The following CNTNAP2 variants were observed in gnomAD, a reference collection of about 807,000 sequenced individuals.
The protein encoded by CNTNAP2 is contactin-associated protein-like 2.
A neutral mutation model predicts 155.2 loss-of-function variants in CNTNAP2; 98 were observed. The observed-to-expected ratio is 0.63, with a 90% confidence interval of 0.54 to 0.75. The LOEUF (loss-of-function observed/expected upper bound fraction) is 0.75, where lower values mean the gene tolerates loss of function less well. Among genes scored for constraint, CNTNAP2 ranks in the 30% least tolerant of loss-of-function variants. The pLI, the probability that CNTNAP2 is intolerant of heterozygous loss-of-function variation, is 0.00. For missense variants in CNTNAP2, 1,727 were observed against 1,688.1 expected (o/e 1.02, Z -0.40); for synonymous variants, 651 against 631.2 (o/e 1.03, Z -0.47).
chr7:146,979,986 T>C (rs1407756231), intron 3 of CNTNAP2, among the ~76,000 whole-genome samples: 1 of 152,196 alleles, frequency 6.6e-6, no homozygotes, highest in Non-Finnish European at 1.5e-5. Context: ...TGCAATTACT[T>C]TTGCACCAAC....
intron 8 of CNTNAP2, among the ~76,000 whole-genome samples, chr7:147,294,983 C>T (rs1469926744): frequency 2.6e-5 from 4 of 152,076 alleles, no homozygotes; most frequent in Non-Finnish European, 5.9e-5. Flanking sequence ...TTAAATGTGT[C>T]TCAGCTTACT....
intron 15 of CNTNAP2, among the ~76,000 whole-genome samples, chr7:148,047,311 C>T (rs946709040): frequency 6.6e-6 from 1 of 151,544 alleles, no homozygotes; most frequent in African/African-American, 2.4e-5. Flanking sequence ...CCTATCAATA[C>T]ATAACGTTAT....
At chr7:146,934,185 C>T (rs1156669975) in intron 3 of CNTNAP2, among the ~76,000 whole-genome samples, 1 of 151,798 alleles carries the variant, frequency 6.6e-6, no homozygotes, top group South Asian at 2.1e-4. Flanking sequence ...AGACTTGGAA[C>T]CAACCCAAAT....
intron 21 of CNTNAP2, among the ~76,000 whole-genome samples, chr7:148,317,308 T>G (rs1797707878): frequency 6.6e-6 from 1 of 151,952 alleles, no homozygotes; most frequent in South Asian, 2.1e-4. Flanking sequence ...TGGGCTGAGA[T>G]CATGCCATTG....
intron 3 of CNTNAP2, among the ~76,000 whole-genome samples, chr7:146,936,918 A>C (rs1336397965): frequency 1.3e-5 from 2 of 152,198 alleles, no homozygotes; most frequent in Non-Finnish European, 2.9e-5. Context: ...TGATTCACGA[A>C]GGTTTCATTG....
At chr7:146,310,775 T>C (rs1800808152) in intron 1 of CNTNAP2, among the ~76,000 whole-genome samples, 1 of 152,174 alleles carries the variant, frequency 6.6e-6, no homozygotes, top group Non-Finnish European at 1.5e-5. Flanking sequence ...TTATCCATCC[T>C]ACTTTTCTTC....
At chr7:148,101,360 T>A (rs1471255402) in intron 15 of CNTNAP2, among the ~76,000 whole-genome samples, 3 of 111,094 alleles carry the variant, frequency 2.7e-5, no homozygotes, top group African/African-American at 8.5e-5. Flanking sequence ...AGTGTGTGTG[T>A]GTGTGTGTGT....
chr7:148,096,893 G>A (rs780695792), intron 15 of CNTNAP2, among the ~76,000 whole-genome samples: 8 of 152,140 alleles, frequency 5.3e-5, no homozygotes, highest in Non-Finnish European at 1.2e-4. Context: ...TAGCCAACCT[G>A]AGAGAAGAGG....
intron 16 of CNTNAP2, among the ~76,000 whole-genome samples, chr7:148,139,723 T>A (rs1805023317): frequency 6.6e-6 from 1 of 152,060 alleles, no homozygotes; most frequent in South Asian, 2.1e-4. Flanking sequence ...GTATTTCTAG[T>A]AGAGATGGGG....
chr7:147,679,159 A>G (rs532300426), intron 13 of CNTNAP2, among the ~76,000 whole-genome samples: 1 of 152,056 alleles, frequency 6.6e-6, no homozygotes, highest in Non-Finnish European at 1.5e-5. Context: ...TGAGTGTGAT[A>G]ACTTAAGATG....
intron 3 of CNTNAP2, among the ~76,000 whole-genome samples, chr7:146,992,120 A>G (rs1255125091): frequency 3.9e-5 from 6 of 152,200 alleles, no homozygotes; most frequent in Non-Finnish European, 5.9e-5. Context: ...GTGTAGCATA[A>G]ACAGTACATA....
chr7:146,239,942 A>G (rs1472104601), intron 1 of CNTNAP2, among the ~76,000 whole-genome samples: 1 of 152,184 alleles, frequency 6.6e-6, no homozygotes, highest in African/African-American at 2.4e-5. Flanking sequence ...AATATATTAT[A>G]AATTCTCATG....
At chr7:147,501,240 A>G (rs1357594272) in intron 11 of CNTNAP2, among the ~76,000 whole-genome samples, 1 of 151,738 alleles carries the variant, frequency 6.6e-6, no homozygotes, top group South Asian at 2.1e-4. Flanking sequence ...CCTCAATTCA[A>G]TAAAGGCTGT....
At chr7:147,206,895 G>T (rs1803034435) in intron 8 of CNTNAP2, among the ~76,000 whole-genome samples, 1 of 152,194 alleles carries the variant, frequency 6.6e-6, no homozygotes, top group African/African-American at 2.4e-5. Context: ...ACAATACAGA[G>T]AATCAGAAGC....
intron 1 of CNTNAP2, among the ~76,000 whole-genome samples, chr7:146,135,210 AG>A (rs1797779535): frequency 6.6e-6 from 1 of 152,132 alleles, no homozygotes; most frequent in Non-Finnish European, 1.5e-5. Flanking sequence ...CACACTTTAG[AG>A]GAAGAAAATT....
intron 9 of CNTNAP2, among the ~76,000 whole-genome samples, chr7:147,333,665 C>A (rs1300890258): frequency 6.6e-6 from 1 of 151,974 alleles, no homozygotes; most frequent in Non-Finnish European, 1.5e-5. Context: ...TTTTAATAAT[C>A]CTATATATTT....
chr7:148,236,900 A>C (rs1796049501), intron 20 of CNTNAP2, among the ~76,000 whole-genome samples: 1 of 152,218 alleles, frequency 6.6e-6, no homozygotes, highest in Non-Finnish European at 1.5e-5. Flanking sequence ...TATTATCAGG[A>C]GAACAGCACC....
chr7:146,648,113 CAT>C (rs1302063139), intron 1 of CNTNAP2, among the ~76,000 whole-genome samples: 1 of 152,188 alleles, frequency 6.6e-6, no homozygotes, highest in East Asian at 1.9e-4. Context: ...AAACCTCTCT[CAT>C]AAAATGCTTT....
At chr7:147,319,359 C>A (rs191130162) in intron 9 of CNTNAP2, among the ~76,000 whole-genome samples, 1 of 151,842 alleles carries the variant, frequency 6.6e-6, no homozygotes, top group African/African-American at 2.4e-5. Flanking sequence ...TTTATTTTTC[C>A]TTTGCACTTA....
Sources: allele counts gnomAD v4.1 joint callset (sites outside exome capture counted in the v4.1 genomes callset), GRCh38; gene constraint gnomAD v4.1.1; transcripts MANE v1.5; gene names NCBI Gene and HGNC (gene_info 2026-07-23, HGNC 2026-07-21).